Variants in RGMA observed in about 807,000 individuals in gnomAD.
The protein encoded by RGMA is repulsive guidance molecule BMP co-receptor a.
RGMA carries 10 observed loss-of-function variants against 23.2 expected under a neutral mutation model. The ratio of observed to expected loss-of-function variants is 0.43; its 90% CI spans 0.27 to 0.73. RGMA has a LOEUF of 0.73. Among genes scored for constraint, RGMA ranks in the 30% least tolerant of loss-of-function variants. The pLI is 0.20. For synonymous variants in RGMA, 308 were observed against 279.3 expected, an observed-to-expected ratio of 1.10 and a Z score of -1.03; for missense variants, 547 against 630.5, an observed-to-expected ratio of 0.87 and a Z score of 1.42.
chr15:93,074,056 C>A, intron 1 of RGMA: 1 of 1,319,846 alleles, frequency 7.6e-7, no homozygotes, highest in South Asian at 2.0e-5. Context: ...TTCCCTGGGC[C>A]CTGCAGTTCT....
chr15:93,066,521 C>G (rs1895158872), intron 2 of RGMA: 6 of 489,668 alleles, frequency 1.2e-5, no homozygotes, highest in South Asian at 1.0e-4. Context: ...CGACTCCGCC[C>G]CTGCCACCGC....
chr15:93,086,151 T>G (rs778682699), intron 1 of RGMA, among the ~76,000 whole-genome samples: 1 of 152,158 alleles, frequency 6.6e-6, no homozygotes, highest in Non-Finnish European at 1.5e-5. Context: ...AATGGCTACA[T>G]AATGGAAGCA....
At position 93,045,714 on chromosome 15, in the gene RGMA, G is replaced by T. The variant is rs775476452; in HGVS notation, c.646-9C>A. The T allele has an allele frequency of 1.3e-6, 2 of 1,593,994 alleles. No homozygotes were observed. The highest frequency in any genetic ancestry group is 1.6e-4 in the Middle Eastern group (1 of 6,072). ...TTGAAGATGATGGTGAGCTGCCGGG[G>T]AAAGGGGCAGAGGAGAGTGGGTGAG... On this transcript the variant is annotated splice_polypyrimidine_tract_variant and intron_variant, in intron 3 of 3. Transcript: ENST00000329082. The surrounding 1 kb of genome is among the most constrained non-coding windows in gnomAD (Gnocchi z 6.9).
chr15:93,063,531 C>T (rs552125171), intron 2 of RGMA, among the ~76,000 whole-genome samples: 2 of 152,226 alleles, frequency 1.3e-5, no homozygotes, highest in Non-Finnish European at 2.9e-5. Flanking sequence ...AGGAATTTCA[C>T]TCTGTCATCC....
At chr15:93,088,746 C>T in intron 1 of RGMA, 173 bp downstream of exon 1, 1 of 751,764 alleles carries the variant, frequency 1.3e-6, no homozygotes, top group Non-Finnish European at 2.0e-6. Flanking sequence ...AACTTTCCTG[C>T]TGCCAACAGC....
chr15:93,043,275 T>TACACATGCGCGC lies in RGMA; in HGVS notation c.*1722_*1723insGCGCGCATGTGT, dbSNP rs1567175393. On this transcript the variant is annotated 3_prime_UTR_variant, in exon 4 of 4. Coordinates refer to ENST00000329082, the MANE Select transcript of RGMA (RefSeq NM_020211.3). Reference sequence around the variant, plus strand: ...AGGCACGCACACACACAGGCATGCATACACACATGCGCGCACACACACATG... The same window carrying TACACATGCGCGC: ...AGGCACGCACACACACAGGCATGCATACACATGCGCGCACACACATGCGCGCACACACACATG... 1.1e-5 allele frequency: 1 copy of TACACATGCGCGC among 94,460 alleles called. No homozygotes were observed. The highest frequency in any genetic ancestry group is 1.9e-5 in the Non-Finnish European group (1 of 51,446). The allele number at this position is 94,460 out of a possible 1,614,324, so 5.9% of individuals were successfully genotyped here. A position where few individuals can be genotyped will look rare whatever the true frequency, so the allele number is the denominator to read the frequency against.
At chr15:93,069,049 G>A (rs1895241040) in intron 2 of RGMA, among the ~76,000 whole-genome samples, 1 of 152,202 alleles carries the variant, frequency 6.6e-6, no homozygotes, top group Admixed American at 6.5e-5. Flanking sequence ...CTCCCCTTGG[G>A]ACACAAAGTC....
chr15:93,067,986 G>A (rs150098986), intron 2 of RGMA, among the ~76,000 whole-genome samples: 168 of 152,196 alleles, frequency 1.1e-3, no homozygotes, highest in Middle Eastern at 3.4e-3. Context: ...CCACATGGAG[G>A]GGCCCACTTC....
chr15:93,074,050 C>T (rs1895427952), intron 1 of RGMA: 5 of 1,348,248 alleles, frequency 3.7e-6, no homozygotes, highest in South Asian at 3.7e-5. Context: ...CCAAGGTTCC[C>T]TGGGCCCTGC....
chr15:93,073,556 A>C (rs77842623), intron 1 of RGMA: 22,461 of 1,523,286 alleles, frequency 0.015, 330 homozygotes, highest in Non-Finnish European at 0.015. Context: ...GGCAAATCCC[A>C]GCCCTACTTT....
intron 1 of RGMA, among the ~76,000 whole-genome samples, chr15:93,087,934 C>T (rs866248564): frequency 6.6e-6 from 1 of 152,244 alleles, no homozygotes; most frequent in African/African-American, 2.4e-5. Flanking sequence ...AGGGCTGGTT[C>T]CCGCCTCTCC....
At chr15:93,083,363 TA>T (rs1198425567) in intron 1 of RGMA, among the ~76,000 whole-genome samples, 2 of 152,226 alleles carry the variant, frequency 1.3e-5, no homozygotes, top group African/African-American at 4.8e-5. Flanking sequence ...AGTCTCACTC[TA>T]TCATCCAGGC....
chr15:93,047,366 G>T (rs1039932010), intron 3 of RGMA, among the ~76,000 whole-genome samples: 1 of 152,144 alleles, frequency 6.6e-6, no homozygotes, highest in Admixed American at 6.5e-5. Context: ...TGGGTGCCTT[G>T]GTCCCCCTGG....
At chr15:93,049,275 C>G (rs574977262) in intron 3 of RGMA, among the ~76,000 whole-genome samples, 1 of 152,152 alleles carries the variant, frequency 6.6e-6, no homozygotes, top group East Asian at 1.9e-4. Flanking sequence ...TCGGGGTACA[C>G]GAGGGAGAAG....
chr15:93,045,758 C>T lies in RGMA; in HGVS notation c.646-53G>A. ...GGGTGAGGCACAGTGGGAGGAGGCA[C>T]AGCCCCACACTTAAGATGCTCTAGA... On this transcript the variant is annotated intron_variant, in intron 3 of 3. Coordinates refer to ENST00000329082, the MANE Select transcript of RGMA (RefSeq NM_020211.3). The surrounding 1 kb of genome is among the most constrained non-coding windows in gnomAD (Gnocchi z 6.9). The T allele has an allele frequency of 7.7e-7, 1 of 1,294,906 alleles. No homozygotes were observed. Among genetic ancestry groups the T allele is most frequent in the Non-Finnish European group, 1.1e-6 (1 of 908,930 alleles). The allele number at this position is 1,294,906 out of a possible 1,614,324, so 80.2% of individuals were successfully genotyped here.
intron 2 of RGMA, chr15:93,065,788 CT>C: frequency 2.0e-6 from 2 of 999,456 alleles, no homozygotes; most frequent in Non-Finnish European, 1.6e-6. Flanking sequence ...GGTAGGCTGG[CT>C]GGGGTGGTCT....
intron 1 of RGMA, among the ~76,000 whole-genome samples, chr15:93,086,145 G>A (rs531882705): frequency 6.6e-6 from 1 of 152,266 alleles, no homozygotes; most frequent in African/African-American, 2.4e-5. Context: ...TTGTGGAATG[G>A]CTACATAATG....
chr15:93,072,321 T>C (rs1895353652), intron 2 of RGMA, among the ~76,000 whole-genome samples: 1 of 152,230 alleles, frequency 6.6e-6, no homozygotes, highest in African/African-American at 2.4e-5. Flanking sequence ...AATTCTCTCC[T>C]TTTCTGACAC....
rs2054782236 is a variant in RGMA, at chr15:93,044,593, A to G, written c.*405T>C. 1 of 251,346 alleles carries G rather than the reference A, an allele frequency of 4.0e-6. No homozygotes were observed. The allele number at this position is 251,346 out of a possible 1,614,324, so 15.6% of individuals were successfully genotyped here. Reference sequence around the variant, plus strand: ...GAGTGTGTGCGTGCGTGTGGCGGGCACAGGGGGCCCCACGGATCGGCGAGC... The same window carrying G: ...GAGTGTGTGCGTGCGTGTGGCGGGCGCAGGGGGCCCCACGGATCGGCGAGC... On this transcript the variant is annotated 3_prime_UTR_variant, in exon 4 of 4. Coordinates refer to ENST00000329082, the MANE Select transcript of RGMA (RefSeq NM_020211.3).
Sources: allele counts gnomAD v4.1 joint callset (sites outside exome capture counted in the v4.1 genomes callset), GRCh38; gene constraint gnomAD v4.1.1; non-coding constraint Gnocchi (gnomAD v3.1); transcripts MANE v1.5; gene names NCBI Gene and HGNC (gene_info 2026-07-23, HGNC 2026-07-21).